Variants in KCNH1 observed in about 807,000 individuals in gnomAD.
KCNH1 encodes voltage-gated delayed rectifier potassium channel KCNH1.
KCNH1 carries 27 observed loss-of-function variants against 69.2 expected under a neutral mutation model. The ratio of observed to expected loss-of-function variants is 0.39; its 90% CI spans 0.29 to 0.54. The LOEUF (loss-of-function observed/expected upper bound fraction) is 0.54, where lower values mean the gene tolerates loss of function less well. Among genes scored for constraint, KCNH1 ranks in the 20% least tolerant of loss-of-function variants. The pLI is 0.68. For synonymous variants in KCNH1, 456 were observed against 487.7 expected, an observed-to-expected ratio of 0.93 and a Z score of 0.86; for missense variants, 798 against 1,261.6, an observed-to-expected ratio of 0.63 and a Z score of 5.57.
chr1:210,815,482 C>T (rs943411077), intron 7 of KCNH1, among the ~76,000 whole-genome samples: 4 of 152,170 alleles, frequency 2.6e-5, no homozygotes, highest in African/African-American at 9.7e-5. Context: ...TTCCTGCCAG[C>T]GGAACCGAGT....
intron 3 of KCNH1, among the ~76,000 whole-genome samples, chr1:211,091,625 C>T (rs796409596): frequency 5.3e-5 from 8 of 152,254 alleles, no homozygotes; most frequent in African/African-American, 1.7e-4. Flanking sequence ...GTTTGGGCTT[C>T]GATCACATTA....
intron 6 of KCNH1, among the ~76,000 whole-genome samples, chr1:210,962,729 C>A (rs530952664): frequency 2.0e-5 from 3 of 151,504 alleles, no homozygotes; most frequent in African/African-American, 7.3e-5. Context: ...TGAACATGCC[C>A]CTGATGCAAC....
At chr1:210,990,294 G>A (rs988549310) in intron 6 of KCNH1, among the ~76,000 whole-genome samples, 1 of 152,222 alleles carries the variant, frequency 6.6e-6, no homozygotes, top group African/African-American at 2.4e-5. Context: ...CAAGGGCTGT[G>A]AGTCCTAATT....
At chr1:210,937,205 G>C (rs550390994) in intron 6 of KCNH1, among the ~76,000 whole-genome samples, 8 of 152,104 alleles carry the variant, frequency 5.3e-5, no homozygotes, top group Non-Finnish European at 7.4e-5. Context: ...CACTCCCACT[G>C]CTTCTCAGAA....
At chr1:210,861,549 T>C (rs1424859795) in intron 7 of KCNH1, 2 of 772,646 alleles carry the variant, frequency 2.6e-6, no homozygotes, top group East Asian at 4.9e-5. Flanking sequence ...ATTCGAAGTG[T>C]TTCAGTCTTT....
chr1:211,017,208 A>C (rs1689508668), intron 6 of KCNH1, among the ~76,000 whole-genome samples: 1 of 152,080 alleles, frequency 6.6e-6, no homozygotes, highest in Admixed American at 6.5e-5. Flanking sequence ...CTGGAAAGAG[A>C]AGTGGTAATA....
At chr1:210,829,416 T>G (rs572078165) in intron 7 of KCNH1, among the ~76,000 whole-genome samples, 4 of 152,226 alleles carry the variant, frequency 2.6e-5, no homozygotes, top group Admixed American at 2.0e-4. Flanking sequence ...TGCCTTTTCA[T>G]GTGCCCCCCT....
Position 211,090,710 on chromosome 1 carries a change from G to A in KCNH1, c.311-20C>T, listed in dbSNP as rs1321107837. On this transcript the variant is annotated intron_variant, in intron 3 of 10. Coordinates refer to ENST00000271751, the MANE Select transcript of KCNH1 (RefSeq NM_172362.3). Reference sequence around the variant, plus strand: ...GTGTCCCTGAAAGGAATATCAAAAGGTTGGTCAGTAATTTGCATTCTCATT... The same window carrying A: ...GTGTCCCTGAAAGGAATATCAAAAGATTGGTCAGTAATTTGCATTCTCATT... 6 of 1,593,010 alleles carry A rather than the reference G, an allele frequency of 3.8e-6. No homozygotes were observed. Among genetic ancestry groups the A allele is most frequent in the Non-Finnish European group, 5.1e-6 (6 of 1,175,078 alleles).
intron 7 of KCNH1, among the ~76,000 whole-genome samples, chr1:210,883,846 C>G (rs529316717): frequency 1.3e-5 from 2 of 152,312 alleles, no homozygotes; most frequent in East Asian, 3.9e-4. Context: ...ACAAGATGTT[C>G]AACAGAAATT....
At chr1:210,843,693 GAGCAC>G (rs1205297642) in intron 7 of KCNH1, among the ~76,000 whole-genome samples, 1 of 152,102 alleles carries the variant, frequency 6.6e-6, no homozygotes, top group African/African-American at 2.4e-5. Flanking sequence ...GTGTAGAAAG[GAGCAC>G]AGCATTAATG....
At chr1:210,982,943 CT>C (rs1688743343) in intron 6 of KCNH1, among the ~76,000 whole-genome samples, 1 of 152,180 alleles carries the variant, frequency 6.6e-6, no homozygotes, top group South Asian at 2.1e-4. Flanking sequence ...TGTTTCCTGA[CT>C]TTTTAATGAT....
chr1:210,779,352 C>A (rs907885642), intron 9 of KCNH1, among the ~76,000 whole-genome samples: 2 of 152,176 alleles, frequency 1.3e-5, no homozygotes, highest in Non-Finnish European at 2.9e-5. Flanking sequence ...AAAACAAACT[C>A]AGGACTATTC....
rs971119193 is a variant in KCNH1 at position 210,883,043 on chromosome 1, T to C, written c.1462+36597A>G. ...GGTGGTGGTTATAATGAATAAATCC[T>C]ACCCTAACAAATGAAGTCACCTGGT... On this transcript the variant is annotated intron_variant, in intron 7 of 10. Coordinates refer to ENST00000271751, the MANE Select transcript of KCNH1 (RefSeq NM_172362.3). Among the ~76,000 whole-genome samples, 38 of 152,318 alleles carry C rather than the reference T, an allele frequency of 2.5e-4. 1 individual carries two copies. Among genetic ancestry groups the C allele is most frequent in the Admixed American group, 2.6e-4 (4 of 15,282 alleles).
intron 6 of KCNH1, among the ~76,000 whole-genome samples, chr1:210,984,222 G>A (rs1398739490): frequency 6.6e-6 from 1 of 152,178 alleles, no homozygotes; most frequent in Non-Finnish European, 1.5e-5. Context: ...TCTGCAAACA[G>A]CGACAATTTG....
intron 5 of KCNH1, among the ~76,000 whole-genome samples, chr1:211,029,620 A>G (rs562532282): frequency 6.6e-6 from 1 of 152,174 alleles, no homozygotes; most frequent in Non-Finnish European, 1.5e-5. Context: ...AAAGAATGAA[A>G]ATTTTCCCCC....
intron 7 of KCNH1, among the ~76,000 whole-genome samples, chr1:210,890,868 G>A (rs375071789): frequency 2.6e-4 from 40 of 152,226 alleles, no homozygotes; most frequent in African/African-American, 6.0e-4. Context: ...TTAGAATGAC[G>A]ATCATTAAAA....
intron 6 of KCNH1, among the ~76,000 whole-genome samples, chr1:211,004,569 A>G (rs185119296): frequency 1.3e-5 from 2 of 152,132 alleles, no homozygotes; most frequent in East Asian, 1.9e-4. Flanking sequence ...CAATCCCAAA[A>G]GAAGATAAAA....
chr1:210,925,279 C>G (rs749157380), intron 6 of KCNH1, among the ~76,000 whole-genome samples: 76 of 152,234 alleles, frequency 5.0e-4, no homozygotes, highest in Non-Finnish European at 9.6e-4. Flanking sequence ...GCAGCTCCCA[C>G]TTGGATGGAC....
At chr1:210,950,793 T>C (rs1017254300) in intron 6 of KCNH1, among the ~76,000 whole-genome samples, 2 of 152,172 alleles carry the variant, frequency 1.3e-5, no homozygotes, top group Non-Finnish European at 2.9e-5. Context: ...CTATGAAGTA[T>C]GTACTTTAAT....
Sources: allele counts gnomAD v4.1 joint callset (sites outside exome capture counted in the v4.1 genomes callset), GRCh38; gene constraint gnomAD v4.1.1; transcripts MANE v1.5; gene names NCBI Gene and HGNC (gene_info 2026-07-23, HGNC 2026-07-21).